IKBIP: variants seen among roughly 807,000 people sequenced by gnomAD.
The protein encoded by IKBIP is IKBKB interacting protein.
IKBIP carries 28 observed loss-of-function variants against 31.0 expected under a neutral mutation model. That is an observed-to-expected ratio of 0.90 (90% CI 0.67 to 1.24). The LOEUF is 1.24. IKBIP is among the 50% of genes most tolerant of loss of function. The pLI, the probability that IKBIP is intolerant of heterozygous loss-of-function variation, is 0.00. For synonymous variants in IKBIP, 164 were observed against 160.3 expected (o/e 1.02, Z -0.17); for missense variants, 453 against 441.9 (o/e 1.03, Z -0.23).
intron 2 of IKBIP, among the ~76,000 whole-genome samples, chr12:98,628,634 CA>C (rs1010309832): frequency 2.7e-4 from 41 of 152,296 alleles, no homozygotes; most frequent in African/African-American, 8.4e-4. Flanking sequence ...TTAGCACATA[CA>C]ATTAAAAAAT....
intron 2 of IKBIP, among the ~76,000 whole-genome samples, chr12:98,617,563 TGAA>T (rs1246776448): frequency 1.3e-5 from 2 of 152,226 alleles, no homozygotes; most frequent in African/African-American, 2.4e-5. Flanking sequence ...GTTAATAAAA[TGAA>T]GAAGGGAAAA....
At chr12:98,622,296 T>C (rs1206449061), downstream of IKBIP, among the ~76,000 whole-genome samples, 1 of 152,020 alleles carries the variant, frequency 6.6e-6, no homozygotes, top group Admixed American at 6.6e-5. Context: ...GAAGACCAGA[T>C]GGGAGAACTG....
In IKBIP at chr12:98,626,234, T is replaced by G; in HGVS notation, c.830A>C (p.Glu277Ala). 6.2e-7 allele frequency: 1 copy of G among 1,614,196 alleles called. No individual in the cohort carries two copies. Among genetic ancestry groups the G allele is most frequent in the South Asian group, 1.1e-5 (1 of 91,088 alleles). The change falls in exon 3 of 3, where the codon GAA becomes GCA. Residue 277 changes from glutamate (E) to alanine (A), a missense_variant. By Grantham distance (107) the Glu-to-Ala change is moderately radical. Coordinates refer to ENST00000299157, the MANE Select transcript of IKBIP (RefSeq NM_153687.4). ...TCTGAGAACAGAGTGAATAGCACTTTCAATTGTTGGCAAATGTGTCTTGCA... is the reference window on the plus strand; with the variant it reads ...TCTGAGAACAGAGTGAATAGCACTTGCAATTGTTGGCAAATGTGTCTTGCA... ...EECKTHLPTI[E>A]SAIHSVLRVS...
intron 2 of IKBIP, among the ~76,000 whole-genome samples, chr12:98,632,791 A>G (rs534425253): frequency 6.6e-6 from 1 of 151,254 alleles, no homozygotes; most frequent in Admixed American, 6.6e-5. Flanking sequence ...TGCTCAGCTA[A>G]TATTTTTGTA....
chr12:98,618,645 T>A (rs917367273), intron 2 of IKBIP, among the ~76,000 whole-genome samples: 1 of 149,148 alleles, frequency 6.7e-6, no homozygotes, highest in Non-Finnish European at 1.5e-5. Context: ...AAAAAAAATT[T>A]GAGATGGGGG....
chr12:98,636,962 C>T (rs1042041887), intron 1 of IKBIP, among the ~76,000 whole-genome samples: 1 of 151,860 alleles, frequency 6.6e-6, no homozygotes, highest in Non-Finnish European at 1.5e-5. Context: ...ATTTCAGGGA[C>T]TAGTTTTATT....
chr12:98,632,416 A>G (rs1049139343), intron 2 of IKBIP, among the ~76,000 whole-genome samples: 1 of 134,870 alleles, frequency 7.4e-6, no homozygotes, highest in Admixed American at 8.1e-5. Context: ...TTGAGCTGTT[A>G]TTCCAACACT....
At chr12:98,616,570 G>A (rs932684226) in intron 2 of IKBIP, among the ~76,000 whole-genome samples, 4 of 152,096 alleles carry the variant, frequency 2.6e-5, no homozygotes, top group African/African-American at 4.8e-5. Flanking sequence ...CAAGACTAAC[G>A]TCAAGAAGCT....
downstream of IKBIP, among the ~76,000 whole-genome samples, chr12:98,622,424 A>T: frequency 6.6e-6 from 1 of 152,096 alleles, no homozygotes; most frequent in East Asian, 1.9e-4. Context: ...GGAGGAGCTG[A>T]GATGGGAGGA....
At chr12:98,624,079 C>A (rs1247176549), downstream of IKBIP, among the ~76,000 whole-genome samples, 2 of 146,938 alleles carry the variant, frequency 1.4e-5, no homozygotes, top group African/African-American at 5.5e-5. Context: ...ACAGTAGCCA[C>A]CTTGTTTCCA....
chr12:98,626,063 A>G lies in IKBIP; in HGVS notation c.1001T>C (p.Ile334Thr). The change falls in exon 3 of 3, where the codon ATA becomes ACA. Residue 334 changes from isoleucine (I) to threonine (T), a missense_variant. Transcript: ENST00000299157. ...ATCCAGTTCATTTTGCATCTTTAAT[A>G]TGCTATTATCATACTGAATTCCTTC... ...TLEGIQYDNSILKMQNELDIL... is the reference protein window; with the variant it reads ...TLEGIQYDNSTLKMQNELDIL... 3 of 1,592,970 alleles carry G rather than the reference A, an allele frequency of 1.9e-6. No homozygotes were observed. Among genetic ancestry groups the G allele is most frequent in the Non-Finnish European group, 2.6e-6 (3 of 1,169,110 alleles).
intron 1 of IKBIP, among the ~76,000 whole-genome samples, chr12:98,637,703 G>A (rs924992232): frequency 6.7e-6 from 1 of 150,350 alleles, no homozygotes; most frequent in East Asian, 2.0e-4. Flanking sequence ...CACCGCGCCC[G>A]GCTTTTTTCT....
rs758412097 is a variant in IKBIP, at chr12:98,634,408, A to G, written c.185T>C (p.Val62Ala). Residue 62 changes from valine to alanine, a missense_variant, in exon 2 of 3, where the codon GTA becomes GCA. Val to Ala is a moderately conservative substitution (Grantham distance 64). Coordinates refer to ENST00000299157, the MANE Select transcript of IKBIP (RefSeq NM_153687.4). ...TGCAAATTTTTCTGACTGCTGAAAT[A>G]CAAACCTGGAAAAGAAAAGAAAAAT... is the stretch of plus-strand genomic sequence containing the variant. ...LGTCLGLAWFVFQQSEKFAKV... is the reference protein window; with the variant it reads ...LGTCLGLAWFAFQQSEKFAKV... 2 of 1,504,582 alleles carry G rather than the reference A, an allele frequency of 1.3e-6. No individual in the cohort carries two copies. The highest frequency in any genetic ancestry group is 4.5e-5 in the East Asian group (2 of 44,316). 93.2% of individuals were successfully genotyped at this position (1,504,582 alleles called of 1,614,324 possible). A position where few individuals can be genotyped will look rare whatever the true frequency, so the allele number is the denominator to read the frequency against.
chr12:98,628,485 T>TAA (rs2097616877), intron 2 of IKBIP, among the ~76,000 whole-genome samples: 1 of 152,184 alleles, frequency 6.6e-6, no homozygotes, highest in Non-Finnish European at 1.5e-5. Context: ...CTCTCCTCTT[T>TAA]ATTTAGTTAC....
chr12:98,632,910 G>A (rs2097622336), intron 2 of IKBIP, among the ~76,000 whole-genome samples: 2 of 152,120 alleles, frequency 1.3e-5, no homozygotes, highest in African/African-American at 2.4e-5. Flanking sequence ...TTACAGGCAT[G>A]AGCCACTACG....
At position 98,625,039 on chromosome 12, in the gene IKBIP, C is replaced by T. The variant is rs556996907; in HGVS notation, c.*891G>A. The T allele has an allele frequency of 1.1e-5, 7 of 609,222 alleles. No homozygotes were observed. The highest frequency in any genetic ancestry group is 7.3e-5 in the South Asian group (1 of 13,716). The allele number at this position is 609,222 out of a possible 1,614,324, so 37.7% of individuals were successfully genotyped here. On this transcript the variant is annotated 3_prime_UTR_variant, in exon 3 of 3. Transcript: ENST00000299157. Reference sequence around the variant, plus strand: ...CCAGATGGTCTTGATCTCCTGACTTCGTGATCTGCCCACCTCGGCCTCCCA... The same window carrying T: ...CCAGATGGTCTTGATCTCCTGACTTTGTGATCTGCCCACCTCGGCCTCCCA...
Position 98,631,227 on chromosome 12 carries a change from C to T in IKBIP, c.297+3069G>A, listed in dbSNP as rs138955791. Among the ~76,000 whole-genome samples the T allele has an allele frequency of 3.4e-4, 52 of 151,440 alleles. 1 individual carries two copies. The East Asian group carries it at 9.9e-3, about 29-fold the overall frequency. ...GGGATTACAGGTGTGAGCCACCACG[C>T]CTGGCCAAGACTGAATATTTTTTGG... On this transcript the variant is annotated intron_variant, in intron 2 of 2. Coordinates refer to ENST00000299157, the MANE Select transcript of IKBIP (RefSeq NM_153687.4).
chr12:98,636,884 C>T (rs773745864), intron 1 of IKBIP, among the ~76,000 whole-genome samples: 1 of 151,350 alleles, frequency 6.6e-6, no homozygotes, highest in Non-Finnish European at 1.5e-5. Context: ...AAGAGTTGCC[C>T]TCCTCACGCC....
chr12:98,621,862 G>A (rs1326671459), downstream of IKBIP, among the ~76,000 whole-genome samples: 5 of 151,924 alleles, frequency 3.3e-5, no homozygotes, highest in Non-Finnish European at 7.4e-5. Flanking sequence ...CGGATCACGA[G>A]GTCAAGAGAT....
Sources: gnomAD v4.1 joint callset for allele counts (sites outside exome capture counted in the v4.1 genomes callset) on GRCh38, gnomAD v4.1.1 for gene constraint, MANE v1.5 for transcripts, NCBI Gene and HGNC (gene_info 2026-07-23, HGNC 2026-07-21) for gene names.